The following PTPRD variants were observed in gnomAD, a reference collection of about 807,000 sequenced individuals.
PTPRD encodes the protein protein tyrosine phosphatase receptor type D.
PTPRD carries 34 observed loss-of-function variants against 214.5 expected under a neutral mutation model. The ratio of observed to expected loss-of-function variants is 0.16; its 90% CI spans 0.12 to 0.21. The LOEUF (loss-of-function observed/expected upper bound fraction) is 0.21, where lower values mean the gene tolerates loss of function less well. Among genes scored for constraint, PTPRD ranks in the 10% least tolerant of loss-of-function variants. The probability of loss-of-function intolerance (pLI) is 1.00; values close to 1 mark genes in which losing one functional copy is unlikely to be tolerated. For synonymous variants in PTPRD, 1,128 were observed against 845.7 expected, an observed-to-expected ratio of 1.33 and a Z score of -5.79; for missense variants, 2,545 against 2,398.7, an observed-to-expected ratio of 1.06 and a Z score of -1.27.
intron 9 of PTPRD, among the ~76,000 whole-genome samples, chr9:9,290,518 C>A (rs1397449793): frequency 6.6e-6 from 1 of 151,094 alleles, no homozygotes; most frequent in East Asian, 2.0e-4. Context: ...TCCCTATTTT[C>A]TTCTAGGAGT....
At chr9:10,508,970 T>C (rs976643403) in intron 2 of PTPRD, among the ~76,000 whole-genome samples, 11 of 151,932 alleles carry the variant, frequency 7.2e-5, no homozygotes, top group Admixed American at 3.3e-4. Flanking sequence ...AGTAAAAATA[T>C]AAATTGGAGG....
chr9:9,247,306 A>C (rs2099973499), intron 9 of PTPRD, among the ~76,000 whole-genome samples: 1 of 152,076 alleles, frequency 6.6e-6, no homozygotes, highest in Admixed American at 6.6e-5. Context: ...CTATTAGATC[A>C]TTCCATTTGT....
chr9:8,822,778 G>A (rs1009289798), intron 11 of PTPRD, among the ~76,000 whole-genome samples: 1 of 152,120 alleles, frequency 6.6e-6, no homozygotes, highest in African/African-American at 2.4e-5. Context: ...CAATGGAACA[G>A]AACTGGAATC....
At chr9:9,260,605 G>A (rs1329163309) in intron 9 of PTPRD, among the ~76,000 whole-genome samples, 1 of 151,766 alleles carries the variant, frequency 6.6e-6, no homozygotes, top group Non-Finnish European at 1.5e-5. Context: ...GGTGAGGTAG[G>A]ATAGGGTTGT....
chr9:8,557,637 G>T (rs979324450), intron 14 of PTPRD, among the ~76,000 whole-genome samples: 1 of 148,772 alleles, frequency 6.7e-6, no homozygotes, highest in South Asian at 2.1e-4. Flanking sequence ...CAACTACTGG[G>T]GAGGCTGAGG....
At chr9:10,265,713 A>C (rs1411302656) in intron 3 of PTPRD, among the ~76,000 whole-genome samples, 1 of 152,194 alleles carries the variant, frequency 6.6e-6, no homozygotes, top group East Asian at 1.9e-4. Context: ...TAAATAAGGA[A>C]ACAAATAGGC....
intron 19 of PTPRD, 116 bp from the exon 20 acceptor site, chr9:8,521,662 C>G: frequency 8.2e-7 from 1 of 1,218,022 alleles, no homozygotes; most frequent in Non-Finnish European, 1.1e-6. Context: ...TGTGGATTGT[C>G]CAAAAACAAA....
intron 4 of PTPRD, among the ~76,000 whole-genome samples, chr9:9,973,600 G>A (rs371841502): frequency 3.3e-5 from 5 of 152,242 alleles, no homozygotes; most frequent in Non-Finnish European, 7.4e-5. Flanking sequence ...CGCTAGGAAA[G>A]GAAGAAGCTG....
intron 11 of PTPRD, among the ~76,000 whole-genome samples, chr9:8,778,456 G>C (rs1015419108): frequency 1.3e-5 from 2 of 152,146 alleles, no homozygotes; most frequent in Non-Finnish European, 1.5e-5. Flanking sequence ...GGATAACAGA[G>C]CGACCGTGTC....
At position 8,819,907 on chromosome 9, in the gene PTPRD, T is replaced by C. The variant is rs183947609; in HGVS notation, c.-103-85961A>G. Among the ~76,000 whole-genome samples, 490 of 152,198 alleles carry C rather than the reference T, an allele frequency of 3.2e-3. 2 individuals carry two copies. Among genetic ancestry groups the C allele is most frequent in the African/African-American group, 0.011 (447 of 41,538 alleles). ...TGTCTTGTTCTCCTTGTCCACACAA[T>C]CATATGCTCAGGAAGCTAAGTATTA... On this transcript the variant is annotated intron_variant, in intron 11 of 45. Transcript: ENST00000381196.
intron 7 of PTPRD, among the ~76,000 whole-genome samples, chr9:9,580,552 T>C (rs1386918314): frequency 4.9e-5 from 7 of 144,234 alleles, no homozygotes; most frequent in African/African-American, 1.3e-4. Context: ...ATTTTCTTTT[T>C]TTTTTTTTTT....
chr9:8,871,214 C>G (rs2098294357), intron 11 of PTPRD, among the ~76,000 whole-genome samples: 1 of 152,138 alleles, frequency 6.6e-6, no homozygotes, highest in African/African-American at 2.4e-5. Context: ...ACTGCATAAC[C>G]TAAGCCAAAC....
At chr9:8,384,217 A>C (rs73640907) in intron 37 of PTPRD, among the ~76,000 whole-genome samples, 6,458 of 152,228 alleles carry the variant, frequency 0.042, 439 homozygotes, top group African/African-American at 0.15. Context: ...TTTCCCTACA[A>C]AATGCTTCAT....
intron 4 of PTPRD, among the ~76,000 whole-genome samples, chr9:10,026,962 T>C (rs1288861396): frequency 6.6e-6 from 1 of 151,846 alleles, no homozygotes; most frequent in Admixed American, 6.6e-5. Flanking sequence ...CTCCAATCGA[T>C]TTTAACATCC....
rs959423315 is a variant in PTPRD at position 8,496,671 on chromosome 9, T to G, written c.2349+571A>C. 3.3e-5 allele frequency among the ~76,000 whole-genome samples: 5 copies of G among 152,250 alleles called. 1 individual carries two copies. The highest frequency in any genetic ancestry group is 1.2e-4 in the African/African-American group (5 of 41,480). On this transcript the variant is annotated intron_variant, in intron 26 of 45. Coordinates refer to ENST00000381196, the MANE Select transcript of PTPRD (RefSeq NM_002839.4). ...AGTTAATCAGTGCCAGATCTATATC[T>G]TGTTATCTACTGGATATGCGATCCT...
At chr9:9,309,789 G>A (rs747333865) in intron 9 of PTPRD, among the ~76,000 whole-genome samples, 12 of 152,176 alleles carry the variant, frequency 7.9e-5, no homozygotes, top group Admixed American at 2.0e-4. Flanking sequence ...TTTCACTATC[G>A]TATTTGTTAA....
chr9:9,212,339 G>A (rs1290650679), intron 9 of PTPRD, among the ~76,000 whole-genome samples: 1 of 152,024 alleles, frequency 6.6e-6, no homozygotes, highest in Non-Finnish European at 1.5e-5. Flanking sequence ...GCCACCCCTA[G>A]GCCTCTGTGA....
intron 10 of PTPRD, among the ~76,000 whole-genome samples, chr9:9,087,595 T>A (rs1330025073): frequency 6.6e-6 from 1 of 152,158 alleles, no homozygotes; most frequent in Non-Finnish European, 1.5e-5. Context: ...GAGTGCCAGA[T>A]AAGTTACTTA....
At chr9:10,221,621 T>C (rs990838067) in intron 3 of PTPRD, among the ~76,000 whole-genome samples, 1 of 152,042 alleles carries the variant, frequency 6.6e-6, no homozygotes, top group African/African-American at 2.4e-5. Context: ...ATACAATGTC[T>C]TTATATTAGA....
Sources: gnomAD v4.1 joint callset for allele counts (sites outside exome capture counted in the v4.1 genomes callset) on GRCh38, gnomAD v4.1.1 for gene constraint, MANE v1.5 for transcripts, NCBI Gene and HGNC (gene_info 2026-07-23, HGNC 2026-07-21) for gene names.